Variants in DISP1 observed in about 807,000 individuals in gnomAD.
DISP1 encodes the protein protein dispatched homolog 1.
In DISP1, 30 loss-of-function variants were observed where a neutral mutation model predicts 37.3. That is an observed-to-expected ratio of 0.80 (90% confidence interval 0.60 to 1.09). DISP1 has a LOEUF of 1.09. Among genes scored for constraint, DISP1 ranks in the 50% least tolerant of loss-of-function variants. The pLI is 0.00. For missense variants in DISP1, 1,598 were observed against 1,879.5 expected (o/e 0.85, Z 2.77); for synonymous variants, 634 against 690.2 (o/e 0.92, Z 1.28).
chr1:222,936,835 A>ATATATATCATATATATGATATATAAAT lies in DISP1; in HGVS notation c.-17-5947_-17-5946insATTATATATCATATATATGATATATAA, dbSNP rs1673863901. Among the ~76,000 whole-genome samples the ATATATATCATATATATGATATATAAAT allele has an allele frequency of 1.3e-4, 5 of 38,946 alleles. 1 individual carries two copies. The highest frequency in any genetic ancestry group is 9.6e-4 in the East Asian group (1 of 1,046). 25.6% of individuals were successfully genotyped at this position (38,946 alleles called of 152,430 possible). ...AAATTATATATAATATATATAAATT[A>ATATATATCATATATATGATATATAAAT]TATATATCATATATATGATATATAA... On this transcript the variant is annotated intron_variant, in intron 2 of 8. Coordinates refer to ENST00000675850, the MANE Select transcript of DISP1 (RefSeq NM_001377229.1).
intron 1 of DISP1, among the ~76,000 whole-genome samples, chr1:222,905,642 A>G (rs1671852133): frequency 6.6e-6 from 1 of 152,122 alleles, no homozygotes; most frequent in South Asian, 2.1e-4. Context: ...TTTCCATTAA[A>G]CTTTATTGCA....
At chr1:222,869,890 T>G (rs910534741) in intron 1 of DISP1, among the ~76,000 whole-genome samples, 1 of 152,080 alleles carries the variant, frequency 6.6e-6, no homozygotes, top group African/African-American at 2.4e-5. Context: ...CTGCACCCAT[T>G]AACTCGTCAT....
intron 1 of DISP1, among the ~76,000 whole-genome samples, chr1:222,850,696 G>GT (rs1668178271): frequency 6.6e-6 from 1 of 152,036 alleles, no homozygotes; most frequent in Non-Finnish European, 1.5e-5. Context: ...TGCAATGTTT[G>GT]TTTTTTTGTT....
chr1:222,870,928 T>TA (rs1382080110), intron 1 of DISP1, among the ~76,000 whole-genome samples: 1 of 152,136 alleles, frequency 6.6e-6, no homozygotes, highest in African/African-American at 2.4e-5. Context: ...TTTTAGGTCT[T>TA]ACATGTAAGT....
Position 223,003,103 on chromosome 1 carries a change from T to C in DISP1, c.1706T>C (p.Ile569Thr), listed in dbSNP as rs779799303. 6.8e-6 allele frequency: 11 copies of C among 1,614,192 alleles called. No individual in the cohort carries two copies. The South Asian group carries it at 1.1e-4, about 16-fold the overall frequency. ...ACTGCCCTCATTATTTTGGTTGGAATTGGAGCAGATGATGCTTTTGTCCTG... is the reference window on the plus strand; with the variant it reads ...ACTGCCCTCATTATTTTGGTTGGAACTGGAGCAGATGATGCTTTTGTCCTG... ...NLTALIILVG[I>T]GADDAFVLCD... Residue 569 changes from isoleucine to threonine, a missense_variant, in exon 9 of 9, where the codon ATT becomes ACT. Physicochemically the swap from Ile to Thr is moderately conservative, Grantham distance 89. Transcript: ENST00000675850. This position sits in a 1 kb window ranked among gnomAD's most constrained non-coding sequence, Gnocchi z 4.3.
At chr1:222,950,339 C>T (rs992749600) in intron 3 of DISP1, among the ~76,000 whole-genome samples, 7 of 152,116 alleles carry the variant, frequency 4.6e-5, no homozygotes, top group African/African-American at 7.2e-5. Context: ...CAGTGGCTCA[C>T]GCTGTAATCC....
At chr1:222,819,804 G>A (rs1662340773) in intron 1 of DISP1, among the ~76,000 whole-genome samples, 1 of 152,086 alleles carries the variant, frequency 6.6e-6, no homozygotes, top group Non-Finnish European at 1.5e-5. Context: ...GCCTCCCAAA[G>A]TGCTGGGATT....
intron 3 of DISP1, among the ~76,000 whole-genome samples, chr1:222,945,039 A>T (rs1461757177): frequency 6.6e-6 from 1 of 152,114 alleles, no homozygotes; most frequent in Non-Finnish European, 1.5e-5. Context: ...AAAAAGTCAG[A>T]TCCAAAAAGG....
chr1:222,957,326 C>T (rs769742445), intron 3 of DISP1, among the ~76,000 whole-genome samples: 4 of 152,118 alleles, frequency 2.6e-5, no homozygotes, highest in East Asian at 1.9e-4. Context: ...CAGTGGCTCA[C>T]GCCTGTAATC....
At chr1:222,959,414 C>T (rs1248558867) in intron 3 of DISP1, among the ~76,000 whole-genome samples, 1 of 152,018 alleles carries the variant, frequency 6.6e-6, no homozygotes, top group Non-Finnish European at 1.5e-5. Flanking sequence ...TGCAAAATTA[C>T]TGTTGGCTGG....
At position 222,929,694 on chromosome 1, in the gene DISP1, C is replaced by T. The variant is rs77841164; in HGVS notation, c.-18+1124C>T. Among the ~76,000 whole-genome samples the T allele has an allele frequency of 6.1e-3, 932 of 152,066 alleles. 58 individuals carry two copies. In the East Asian group the frequency reaches 0.15, roughly 24 times the overall value. On this transcript the variant is annotated intron_variant, in intron 2 of 8. Coordinates refer to ENST00000675850, the MANE Select transcript of DISP1 (RefSeq NM_001377229.1). ...CTTGCAGGTAGTGGGTTTTCTGCTTCCCATGGTTTTAATATCTGGCGACAC... is the reference window on the plus strand; with the variant it reads ...CTTGCAGGTAGTGGGTTTTCTGCTTTCCATGGTTTTAATATCTGGCGACAC...
intron 3 of DISP1, among the ~76,000 whole-genome samples, chr1:222,975,424 A>G (rs1416682671): frequency 6.6e-6 from 1 of 152,192 alleles, no homozygotes; most frequent in East Asian, 1.9e-4. Context: ...CAGTATTCTT[A>G]TTTGCTTTAC....
At chr1:222,946,042 A>G (rs1487396394) in intron 3 of DISP1, 1 of 152,086 alleles carries the variant, frequency 6.6e-6, no homozygotes, top group Admixed American at 6.6e-5. Context: ...GTAGATTAGT[A>G]TGAAGGAAAT....
chr1:222,991,648 GT>G lies in DISP1; in HGVS notation c.791+2del. On this transcript the variant is annotated splice_donor_variant, in intron 6 of 8. Coordinates refer to ENST00000675850, the MANE Select transcript of DISP1 (RefSeq NM_001377229.1). LOFTEE classifies it high-confidence loss of function. ...AATATGCAGATGAACAAGCCAAAAG[GT>G]AATCAATTATTTATTTTTATATAAC... 1 of 1,611,746 alleles carries G rather than the reference GT, an allele frequency of 6.2e-7. No homozygotes were observed. Among genetic ancestry groups the G allele is most frequent in the Non-Finnish European group, 8.5e-7 (1 of 1,178,380 alleles).
intron 1 of DISP1, among the ~76,000 whole-genome samples, chr1:222,910,035 T>C (rs1392509788): frequency 6.6e-6 from 1 of 152,186 alleles, no homozygotes; most frequent in Admixed American, 6.5e-5. Context: ...GCCTGCTGGT[T>C]CTGTAATATC....
At chr1:222,840,714 C>T (rs149953242) in intron 1 of DISP1, among the ~76,000 whole-genome samples, 1,744 of 149,864 alleles carry the variant, frequency 0.012, 36 homozygotes, top group African/African-American at 0.042. Context: ...AGGTGCCCGC[C>T]ACCACACCCG....
rs940346379 is a variant in DISP1 at position 222,887,486 on chromosome 1, GTTTTTTTTTT to G, written c.-158-40930_-158-40921del. On this transcript the variant is annotated intron_variant, in intron 1 of 8. Transcript: ENST00000675850. ...AATTTATAAATGTCACATTGTTTTT[GTTTTTTTTTT>G]TTTTTTTTTTTTTGAGACGGAGTCT... Among the ~76,000 whole-genome samples, 4 of 83,100 alleles carry G rather than the reference GTTTTTTTTTT, an allele frequency of 4.8e-5. 1 individual carries two copies. Among genetic ancestry groups the G allele is most frequent in the Non-Finnish European group, 6.8e-5 (3 of 44,178 alleles). The allele number at this position is 83,100 out of a possible 152,430, so 54.5% of individuals were successfully genotyped here. A position where few individuals can be genotyped will look rare whatever the true frequency, so the allele number is the denominator to read the frequency against.
At chr1:222,914,434 C>A (rs991331298) in intron 1 of DISP1, among the ~76,000 whole-genome samples, 4 of 152,038 alleles carry the variant, frequency 2.6e-5, no homozygotes, top group Non-Finnish European at 4.4e-5. Flanking sequence ...TCTTTAGAAA[C>A]AAGATGATGT....
At chr1:222,885,235 G>A (rs1670523232) in intron 1 of DISP1, among the ~76,000 whole-genome samples, 1 of 152,076 alleles carries the variant, frequency 6.6e-6, no homozygotes, top group African/African-American at 2.4e-5. Flanking sequence ...TGTAAGTATG[G>A]CCTCATGAAT....
Sources: allele counts gnomAD v4.1 joint callset (sites outside exome capture counted in the v4.1 genomes callset), GRCh38; gene constraint gnomAD v4.1.1; non-coding constraint Gnocchi (gnomAD v3.1); transcripts MANE v1.5; gene names NCBI Gene and HGNC (gene_info 2026-07-23, HGNC 2026-07-21).